RB1: variants seen among roughly 807,000 people sequenced by gnomAD.
RB1 encodes the protein retinoblastoma-associated protein.
A neutral mutation model predicts 135.4 loss-of-function variants in RB1; 18 were observed. That is an observed-to-expected ratio of 0.13 (90% CI 0.09 to 0.20). The LOEUF (loss-of-function observed/expected upper bound fraction) is 0.20. Ranked by LOEUF, RB1 falls within the 10% of genes least tolerant of loss-of-function variation. The probability of loss-of-function intolerance (pLI) is 1.00; values close to 1 mark genes in which losing one functional copy is unlikely to be tolerated. For synonymous variants in RB1, 365 were observed against 373.2 expected, an observed-to-expected ratio of 0.98 and a Z score of 0.25; for missense variants, 868 against 1,110.0, an observed-to-expected ratio of 0.78 and a Z score of 3.10.
At chr13:48,367,022 G>T (rs1466844025) in intron 9 of RB1, among the ~76,000 whole-genome samples, 1 of 151,110 alleles carries the variant, frequency 6.6e-6, no homozygotes, top group Non-Finnish European at 1.5e-5. Context: ...GGGAGGCTGA[G>T]GCAGGAAAGT....
intron 12 of RB1, among the ~76,000 whole-genome samples, chr13:48,376,610 G>T (rs1181089535): frequency 3.3e-5 from 5 of 152,020 alleles, no homozygotes; most frequent in African/African-American, 1.2e-4. Context: ...TTAATTGAAG[G>T]TATTTTATGA....
chr13:48,409,777 C>T (rs1429006879), intron 17 of RB1, among the ~76,000 whole-genome samples: 1 of 151,730 alleles, frequency 6.6e-6, no homozygotes, highest in African/African-American at 2.4e-5. Flanking sequence ...GACGGGGTTT[C>T]ACCATGTTGG....
At chr13:48,465,653 C>T (rs1296158443) in intron 23 of RB1, among the ~76,000 whole-genome samples, 1 of 151,688 alleles carries the variant, frequency 6.6e-6, no homozygotes, top group South Asian at 2.1e-4. Context: ...GTACCGGGTT[C>T]ATCTCACTAG....
At chr13:48,450,599 G>A (rs912529214) in intron 17 of RB1, among the ~76,000 whole-genome samples, 10 of 152,090 alleles carry the variant, frequency 6.6e-5, no homozygotes, top group African/African-American at 2.4e-4. Flanking sequence ...GTAGTGTGAT[G>A]TCTCCAGCTT....
chr13:48,402,830 G>C (rs1783894313), intron 17 of RB1, among the ~76,000 whole-genome samples: 1 of 152,054 alleles, frequency 6.6e-6, no homozygotes, highest in Admixed American at 6.6e-5. Context: ...ATAAAGTATA[G>C]TAATTTTTGT....
chr13:48,316,899 G>A (rs1952189127), intron 2 of RB1: 2 of 348,328 alleles, frequency 5.7e-6, no homozygotes, highest in Admixed American at 3.7e-5. Context: ...CTCCGTGCGC[G>A]GAGTGTCGCT....
chr13:48,356,797 CA>C (rs1228345275), intron 6 of RB1, among the ~76,000 whole-genome samples: 2 of 151,898 alleles, frequency 1.3e-5, no homozygotes, highest in African/African-American at 4.8e-5. Flanking sequence ...ATTTTACAAT[CA>C]ACAAGTTTTT....
At chr13:48,354,392 T>G (rs1187819058) in intron 6 of RB1, among the ~76,000 whole-genome samples, 1 of 151,982 alleles carries the variant, frequency 6.6e-6, no homozygotes, top group African/African-American at 2.4e-5. Context: ...AAGATCTCTA[T>G]GATGAAAACC....
Position 48,473,285 on chromosome 13 carries a change from A to C in RB1, c.2490-75A>C, listed in dbSNP as rs1949483597. 1.8e-6 allele frequency: 2 copies of C among 1,139,840 alleles called. No individual in the cohort carries two copies. The highest frequency in any genetic ancestry group is 2.6e-6 in the Non-Finnish European group (2 of 756,942). 70.6% of individuals were successfully genotyped at this position (1,139,840 alleles called of 1,614,324 possible). ...TTGGTATTCCTAATAGTTCAGAATGATGTATTTATGCTCATCTCTGCAAAA... is the reference window on the plus strand; with the variant it reads ...TTGGTATTCCTAATAGTTCAGAATGCTGTATTTATGCTCATCTCTGCAAAA... On this transcript the variant is annotated intron_variant, in intron 23 of 26. Coordinates refer to ENST00000267163, the MANE Select transcript of RB1 (RefSeq NM_000321.3).
chr13:48,318,892 G>T, intron 2 of RB1: 1 of 1,136,692 alleles, frequency 8.8e-7, no homozygotes, highest in Non-Finnish European at 1.3e-6. Flanking sequence ...GATCGATGCT[G>T]TCGTCGCTGT....
At chr13:48,365,670 T>C (rs905319689) in intron 9 of RB1, among the ~76,000 whole-genome samples, 2 of 152,222 alleles carry the variant, frequency 1.3e-5, no homozygotes, top group Non-Finnish European at 2.9e-5. Flanking sequence ...ATAAAATAGC[T>C]AGACTGCTAG....
At chr13:48,325,300 A>G (rs1952278092) in intron 2 of RB1, among the ~76,000 whole-genome samples, 1 of 152,058 alleles carries the variant, frequency 6.6e-6, no homozygotes, top group Non-Finnish European at 1.5e-5. Flanking sequence ...TCCCTGAAAA[A>G]CATTGCTCTT....
At chr13:48,371,476 G>C (rs987303340) in intron 11 of RB1, among the ~76,000 whole-genome samples, 1 of 152,138 alleles carries the variant, frequency 6.6e-6, no homozygotes, top group Non-Finnish European at 1.5e-5. Context: ...GTCTGTTGTA[G>C]CAGTTTACTT....
intron 17 of RB1, chr13:48,406,487 T>G (rs1948741038): frequency 6.6e-6 from 1 of 152,218 alleles, no homozygotes; most frequent in Admixed American, 6.5e-5. Flanking sequence ...TATTTTTCTT[T>G]TCTTGCTGAA....
At chr13:48,316,719 TCACACACACACACACACACACACACA>T (rs60176662) in intron 2 of RB1, 1,101 of 107,622 alleles carry the variant, frequency 0.01, 16 homozygotes, top group African/African-American at 0.033. Context: ...CACAGAACCA[TCACACACACACACACACACACACACA>T]CACACACACA....
At position 48,379,344 on chromosome 13, in the gene RB1, TAAG is replaced by T. The variant is rs372771624; in HGVS notation, c.1333-246_1333-244del. ...TGTGTTGTCTTGGCGGCCATATTTG[TAAG>T]AAGGGTGAGAAGTATGTTTTAAGAA... On this transcript the variant is annotated intron_variant, in intron 13 of 26. Coordinates refer to ENST00000267163, the MANE Select transcript of RB1 (RefSeq NM_000321.3). Among the ~76,000 whole-genome samples the T allele has an allele frequency of 5.2e-4, 79 of 152,214 alleles. 3 individuals carry two copies. In the East Asian group the frequency reaches 0.014, roughly 27 times the overall value.
chr13:48,390,201 G>C (rs1410191276), intron 17 of RB1, among the ~76,000 whole-genome samples: 1 of 152,030 alleles, frequency 6.6e-6, no homozygotes, highest in African/African-American at 2.4e-5. Flanking sequence ...AAAGTAACAG[G>C]ATATTTCATT....
intron 17 of RB1, among the ~76,000 whole-genome samples, chr13:48,441,020 A>G (rs2138305834): frequency 6.6e-6 from 1 of 152,348 alleles, no homozygotes; most frequent in African/African-American, 2.4e-5. Context: ...ATTAATCATT[A>G]GATTTTCTGA....
intron 23 of RB1, among the ~76,000 whole-genome samples, chr13:48,465,706 G>A (rs1032073057): frequency 1.3e-5 from 2 of 150,852 alleles, no homozygotes; most frequent in Non-Finnish European, 3.0e-5. Context: ...TGTGCGCACC[G>A]TGTGCGAGCC....
Sources: gnomAD v4.1 joint callset for allele counts (sites outside exome capture counted in the v4.1 genomes callset) on GRCh38, gnomAD v4.1.1 for gene constraint, MANE v1.5 for transcripts, NCBI Gene and HGNC (gene_info 2026-07-23, HGNC 2026-07-21) for gene names.